Variants in ANKS1B observed in about 807,000 individuals in gnomAD.
ANKS1B encodes ankyrin repeat and sterile alpha motif domain-containing protein 1B.
A neutral mutation model predicts 148.3 loss-of-function variants in ANKS1B; 36 were observed. That is an observed-to-expected ratio of 0.24 (90% CI 0.19 to 0.32). The LOEUF (loss-of-function observed/expected upper bound fraction) is 0.32. ANKS1B is among the 10% of genes least tolerant of loss of function. ANKS1B has a pLI of 1.00. For missense variants in ANKS1B, 1,157 were observed against 1,542.6 expected (o/e 0.75, Z 4.19); for synonymous variants, 542 against 560.8 (o/e 0.97, Z 0.47).
At chr12:99,740,927 G>A (rs754615562) in intron 8 of ANKS1B, among the ~76,000 whole-genome samples, 1 of 152,114 alleles carries the variant, frequency 6.6e-6, no homozygotes, top group Non-Finnish European at 1.5e-5. Flanking sequence ...TCCCTCTAGT[G>A]CCTATGCCAC....
At chr12:99,824,790 T>G (rs767428357) in intron 2 of ANKS1B, among the ~76,000 whole-genome samples, 3 of 152,136 alleles carry the variant, frequency 2.0e-5, no homozygotes, top group Non-Finnish European at 4.4e-5. Context: ...TTTTACTTAT[T>G]AAAAAAATTT....
At chr12:99,237,619 T>C (rs992681844) in intron 14 of ANKS1B, among the ~76,000 whole-genome samples, 1 of 152,182 alleles carries the variant, frequency 6.6e-6, no homozygotes, top group African/African-American at 2.4e-5. Context: ...TCTTGCAAAA[T>C]TGGAGCCCAC....
intron 12 of ANKS1B, among the ~76,000 whole-genome samples, chr12:99,315,238 C>CA (rs797010918): frequency 0.089 from 7,527 of 84,316 alleles, 550 homozygotes; most frequent in African/African-American, 0.26. Flanking sequence ...GACTTCATCT[C>CA]AAAAAAAAAA....
chr12:99,218,614 C>A (rs2084613356), intron 14 of ANKS1B, among the ~76,000 whole-genome samples: 1 of 152,182 alleles, frequency 6.6e-6, no homozygotes. Flanking sequence ...CATTTTAACA[C>A]AGAAGTTAAG....
chr12:98,786,718 G>A (rs1418400294), intron 22 of ANKS1B, among the ~76,000 whole-genome samples: 2 of 152,212 alleles, frequency 1.3e-5, no homozygotes, highest in South Asian at 2.1e-4. Context: ...CTTCAGTTGT[G>A]AGCTGTAATG....
At chr12:98,825,826 T>C (rs573520658) in intron 19 of ANKS1B, among the ~76,000 whole-genome samples, 1 of 152,350 alleles carries the variant, frequency 6.6e-6, no homozygotes, top group South Asian at 2.1e-4. Context: ...CCTTCTGATA[T>C]ATTTTCCATT....
chr12:99,347,369 T>C (rs945367513), intron 12 of ANKS1B, among the ~76,000 whole-genome samples: 3 of 151,882 alleles, frequency 2.0e-5, no homozygotes, highest in Admixed American at 1.3e-4. Flanking sequence ...GTCACACACA[T>C]GCGCAGAACA....
intron 8 of ANKS1B, among the ~76,000 whole-genome samples, chr12:99,681,346 C>T (rs1399922369): frequency 6.6e-6 from 1 of 152,174 alleles, no homozygotes; most frequent in Non-Finnish European, 1.5e-5. Context: ...TGAGTCTGTC[C>T]ATGTGACAAC....
intron 17 of ANKS1B, among the ~76,000 whole-genome samples, chr12:98,969,499 T>C (rs1339396135): frequency 6.6e-6 from 1 of 152,120 alleles, no homozygotes; most frequent in Non-Finnish European, 1.5e-5. Flanking sequence ...GCAAAAATTA[T>C]ATAATTATAT....
intron 4 of ANKS1B, 94 bp from the exon 5 acceptor site, chr12:99,782,191 T>C (rs2064406476): frequency 9.9e-7 from 1 of 1,010,952 alleles, no homozygotes; most frequent in Non-Finnish European, 1.5e-6. Context: ...TATTCATACA[T>C]ATTTGCTGTA....
intron 17 of ANKS1B, among the ~76,000 whole-genome samples, chr12:98,980,344 G>A (rs2099907697): frequency 6.6e-6 from 1 of 152,130 alleles, no homozygotes; most frequent in South Asian, 2.1e-4. Flanking sequence ...GGGACTACAG[G>A]CACCCGCCAC....
At chr12:99,699,737 G>A (rs191130473) in intron 8 of ANKS1B, among the ~76,000 whole-genome samples, 2 of 152,138 alleles carry the variant, frequency 1.3e-5, no homozygotes, top group Non-Finnish European at 2.9e-5. Context: ...CTAAAATGTA[G>A]AAGAGTAAAA....
intron 9 of ANKS1B, among the ~76,000 whole-genome samples, chr12:99,568,364 C>T (rs1324798268): frequency 6.6e-6 from 1 of 152,174 alleles, no homozygotes; most frequent in Admixed American, 6.5e-5. Context: ...CTCAGCCTAC[C>T]TTGATTACCC....
At chr12:98,921,363 T>C (rs1481645886) in intron 17 of ANKS1B, among the ~76,000 whole-genome samples, 1 of 152,150 alleles carries the variant, frequency 6.6e-6, no homozygotes, top group African/African-American at 2.4e-5. Context: ...TACAGTACAT[T>C]CTCTATAATA....
intron 8 of ANKS1B, among the ~76,000 whole-genome samples, chr12:99,744,086 C>A (rs2153584619): frequency 6.6e-6 from 1 of 152,240 alleles, no homozygotes; most frequent in South Asian, 2.1e-4. Flanking sequence ...TTTCAGTATC[C>A]TTTGGGTTCC....
chr12:99,911,570 G>A (rs985585711), intron 1 of ANKS1B, among the ~76,000 whole-genome samples: 3 of 152,132 alleles, frequency 2.0e-5, no homozygotes, highest in Admixed American at 2.0e-4. Context: ...GAAACTGAAA[G>A]CATAATTAAC....
chr12:99,412,307 C>T (rs562915068), intron 11 of ANKS1B, among the ~76,000 whole-genome samples: 1 of 152,212 alleles, frequency 6.6e-6, no homozygotes, highest in Non-Finnish European at 1.5e-5. Context: ...GGCACTGTCC[C>T]CACATTAGGA....
intron 9 of ANKS1B, among the ~76,000 whole-genome samples, chr12:98,738,285 C>A (rs1284962730): frequency 1.3e-5 from 2 of 152,090 alleles, no homozygotes; most frequent in African/African-American, 4.8e-5. Context: ...GAGGTCAGGC[C>A]CCCAGAACTG....
chr12:99,670,336 G>A (rs1257445013), intron 8 of ANKS1B, among the ~76,000 whole-genome samples: 1 of 151,984 alleles, frequency 6.6e-6, no homozygotes, highest in East Asian at 1.9e-4. Flanking sequence ...ATGGTCCTAG[G>A]AAAACAATCT....
Sources: allele counts gnomAD v4.1 joint callset (sites outside exome capture counted in the v4.1 genomes callset), GRCh38; gene constraint gnomAD v4.1.1; transcripts MANE v1.5; gene names NCBI Gene and HGNC (gene_info 2026-07-23, HGNC 2026-07-21).